PPP1R13B: variants seen among roughly 807,000 people sequenced by gnomAD.
PPP1R13B encodes the protein protein phosphatase 1 regulatory subunit 13B.
In PPP1R13B, 44 loss-of-function variants were observed where a neutral mutation model predicts 119.8. The ratio of observed to expected loss-of-function variants is 0.37; its 90% confidence interval spans 0.29 to 0.47. The LOEUF (loss-of-function observed/expected upper bound fraction) is 0.47, where lower values mean the gene tolerates loss of function less well. Among genes scored for constraint, PPP1R13B ranks in the 20% least tolerant of loss-of-function variants. The probability of loss-of-function intolerance (pLI) is 0.99; values close to 1 mark genes in which losing one functional copy is unlikely to be tolerated. For missense variants in PPP1R13B, 1,227 were observed against 1,413.5 expected (o/e 0.87, Z 2.12); for synonymous variants, 542 against 561.5 (o/e 0.97, Z 0.49).
At chr14:103,804,871 A>G (rs928210032) in intron 1 of PPP1R13B, among the ~76,000 whole-genome samples, 1 of 152,198 alleles carries the variant, frequency 6.6e-6, no homozygotes, top group East Asian at 1.9e-4. Context: ...GCTATTTTGC[A>G]TAACAGTCCA....
At chr14:103,783,028 A>G (rs2152022510) in intron 3 of PPP1R13B, among the ~76,000 whole-genome samples, 1 of 151,658 alleles carries the variant, frequency 6.6e-6, no homozygotes, top group South Asian at 2.1e-4. Flanking sequence ...CTGGTCTCGA[A>G]CTCTTGACAT....
intron 1 of PPP1R13B, chr14:103,804,105 A>G: frequency 1.0e-6 from 1 of 971,778 alleles, no homozygotes; most frequent in Non-Finnish European, 1.2e-6. Context: ...TTTTTCATTC[A>G]AAAAAGTTGG....
chr14:103,758,851 T>C (rs987353260), intron 4 of PPP1R13B, among the ~76,000 whole-genome samples: 5 of 152,206 alleles, frequency 3.3e-5, no homozygotes, highest in Admixed American at 6.5e-5. Flanking sequence ...TTATAATTCT[T>C]AATAGTCAGT....
intron 1 of PPP1R13B, among the ~76,000 whole-genome samples, chr14:103,828,287 T>C (rs1181848845): frequency 6.7e-6 from 1 of 149,372 alleles, no homozygotes; most frequent in African/African-American, 2.5e-5. Context: ...GAGAATCACT[T>C]GAACCTGGGA....
rs778868458 is a variant in PPP1R13B at position 103,740,127 on chromosome 14, G to A, written c.2289C>T (p.Thr763=). ...GCTCTTCCAGGTTTCCATTGGCATT[G>A]GTGTTTCCATTGTCCACATCGGCCA... is the stretch of plus-strand genomic sequence containing the variant. The part of the protein sequence containing the change: ...GTLADVDNGN[T]NANGNLEELP... Residue 763 remains threonine (T), a synonymous_variant, in exon 12 of 17, where the codon ACC becomes ACT. Transcript: ENST00000202556. The surrounding 1 kb of genome is among the most constrained non-coding windows in gnomAD (Gnocchi z 4.6). 20 of 1,613,494 alleles carry A rather than the reference G, an allele frequency of 1.2e-5. No homozygotes were observed. The Admixed American group carries it at 3.3e-4, about 27-fold the overall frequency.
intron 1 of PPP1R13B, among the ~76,000 whole-genome samples, chr14:103,822,679 G>A (rs2086439025): frequency 6.6e-6 from 1 of 152,022 alleles, no homozygotes; most frequent in African/African-American, 2.4e-5. Context: ...CAGGTGTGGT[G>A]GCGCACGCCT....
At chr14:103,801,827 T>C (rs1488786235) in intron 1 of PPP1R13B, among the ~76,000 whole-genome samples, 7 of 152,242 alleles carry the variant, frequency 4.6e-5, no homozygotes, top group African/African-American at 7.2e-5. Context: ...ACACACACAA[T>C]TGAAGTAAGA....
Position 103,737,724 on chromosome 14 carries a change from C to A in PPP1R13B, c.3001G>T (p.Gly1001Cys). The change falls in exon 15 of 17, where the codon GGC becomes TGC. Residue 1001 changes from glycine (G) to cysteine (C), a missense_variant. Transcript: ENST00000202556. ...AADKCEEMEE[G>C]YIQCSQFLYG... ...AGAAACTGGGAGCACTGGATGTAGC[C>A]TTCCTCCATCTCCTCACACTTGTCT... 6.2e-7 allele frequency: 1 copy of A among 1,614,260 alleles called. No individual in the cohort carries two copies. Among genetic ancestry groups the A allele is most frequent in the Non-Finnish European group, 8.5e-7 (1 of 1,180,050 alleles).
chr14:103,771,928 T>C (rs2085079791), intron 4 of PPP1R13B, among the ~76,000 whole-genome samples: 1 of 152,172 alleles, frequency 6.6e-6, no homozygotes, highest in Non-Finnish European at 1.5e-5. Flanking sequence ...ATCAAGAAAA[T>C]AAATCCATCC....
At chr14:103,826,582 A>G (rs1025555567) in intron 1 of PPP1R13B, among the ~76,000 whole-genome samples, 2 of 152,210 alleles carry the variant, frequency 1.3e-5, no homozygotes, top group African/African-American at 4.8e-5. Flanking sequence ...CACAAGAAAT[A>G]CATTGAAAAT....
At chr14:103,807,277 C>T (rs747609891) in intron 1 of PPP1R13B, among the ~76,000 whole-genome samples, 1 of 152,190 alleles carries the variant, frequency 6.6e-6, no homozygotes, top group Non-Finnish European at 1.5e-5. Flanking sequence ...AATAGCACTA[C>T]TCCATCCCTC....
At chr14:103,781,632 A>T (rs1054189804) in intron 3 of PPP1R13B, among the ~76,000 whole-genome samples, 3 of 152,020 alleles carry the variant, frequency 2.0e-5, no homozygotes, top group Non-Finnish European at 4.4e-5. Context: ...AACAAGTTAA[A>T]GGTTTTTTTG....
At chr14:103,792,200 GTA>G (rs1226470857) in intron 2 of PPP1R13B, among the ~76,000 whole-genome samples, 1,651 of 81,586 alleles carry the variant, frequency 0.02, 17 homozygotes, top group East Asian at 0.068. Context: ...GTGTGTGTGT[GTA>G]TATTTTTTTA....
chr14:103,767,873 C>G (rs957124824), intron 4 of PPP1R13B, among the ~76,000 whole-genome samples: 2 of 152,032 alleles, frequency 1.3e-5, no homozygotes, highest in Admixed American at 1.3e-4. Context: ...TTAATCATAC[C>G]CCTTTATTTT....
At chr14:103,822,004 G>C (rs974408386) in intron 1 of PPP1R13B, among the ~76,000 whole-genome samples, 2 of 152,152 alleles carry the variant, frequency 1.3e-5, no homozygotes, top group African/African-American at 4.8e-5. Flanking sequence ...AGGACAGAGT[G>C]CTAGGACAAC....
intron 4 of PPP1R13B, among the ~76,000 whole-genome samples, chr14:103,762,448 TG>T (rs148583422): frequency 1.5e-5 from 1 of 66,110 alleles, no homozygotes; most frequent in South Asian, 6.0e-4. Context: ...GGGTCTGTTG[TG>T]GGGTGGGGGG....
intron 1 of PPP1R13B, among the ~76,000 whole-genome samples, chr14:103,825,647 G>A (rs2086520401): frequency 1.3e-5 from 2 of 152,164 alleles, no homozygotes; most frequent in South Asian, 2.1e-4. Flanking sequence ...AGGTGAGGAA[G>A]CTGCAAAAGA....
intron 1 of PPP1R13B, among the ~76,000 whole-genome samples, chr14:103,843,465 C>G (rs2086955327): frequency 6.6e-6 from 1 of 152,080 alleles, no homozygotes; most frequent in African/African-American, 2.4e-5. Flanking sequence ...ATTCTTACTT[C>G]TATCAAACTT....
At chr14:103,809,509 T>G (rs745634397) in intron 1 of PPP1R13B, among the ~76,000 whole-genome samples, 2 of 152,080 alleles carry the variant, frequency 1.3e-5, no homozygotes, top group Non-Finnish European at 2.9e-5. Context: ...ATTTATTCTA[T>G]CCACTAAAAC....
Sources: gnomAD v4.1 joint callset for allele counts (sites outside exome capture counted in the v4.1 genomes callset) on GRCh38, gnomAD v4.1.1 for gene constraint, Gnocchi (gnomAD v3.1) non-coding constraint, MANE v1.5 for transcripts, NCBI Gene and HGNC (gene_info 2026-07-23, HGNC 2026-07-21) for gene names.